The following POLR1C variants were observed in gnomAD, a reference collection of about 807,000 sequenced individuals.
The protein encoded by POLR1C is RNA polymerase I and III subunit C.
POLR1C carries 42 observed loss-of-function variants against 38.3 expected under a neutral mutation model. The ratio of observed to expected loss-of-function variants is 1.10; its 90% CI spans 0.86 to 1.42. The LOEUF (loss-of-function observed/expected upper bound fraction) is 1.42, where lower values mean the gene tolerates loss of function less well. Ranked by LOEUF, POLR1C falls within the 40% of genes most tolerant of loss-of-function variation. The pLI, the probability that POLR1C is intolerant of heterozygous loss-of-function variation, is 0.00. For missense variants in POLR1C, 507 were observed against 450.5 expected, an observed-to-expected ratio of 1.13 and a Z score of -1.14; for synonymous variants, 163 against 163.9, an observed-to-expected ratio of 0.99 and a Z score of 0.04.
intron 8 of POLR1C, chr6:43,527,476 G>C (rs1485059789): frequency 9.0e-6 from 6 of 663,234 alleles, no homozygotes; most frequent in Non-Finnish European, 1.0e-5. Flanking sequence ...GTTTCACCAT[G>C]TTGGCCAGGA....
chr6:43,520,363 C>A lies in POLR1C; in HGVS notation c.591C>A (p.Ile197=). Residue 197 remains isoleucine (I), a synonymous_variant, in exon 6 of 9, where the codon ATC becomes ATA. Transcript: ENST00000642195. ...CTATCCGACCAGTGCATGATGATATCCTCATCGCTCAGCTGCGGCCTGGCC... is the reference window on the plus strand; with the variant it reads ...CTATCCGACCAGTGCATGATGATATACTCATCGCTCAGCTGCGGCCTGGCC... ...EGTIRPVHDD[I]LIAQLRPGQE... 6.2e-7 allele frequency: 1 copy of A among 1,613,826 alleles called. No homozygotes were observed. Among genetic ancestry groups the A allele is most frequent in the Non-Finnish European group, 8.5e-7 (1 of 1,180,030 alleles).
intron 8 of POLR1C, 65 bp downstream of exon 8, chr6:43,521,113 G>T: frequency 6.2e-7 from 1 of 1,600,984 alleles, no homozygotes; most frequent in Non-Finnish European, 8.6e-7. Flanking sequence ...TTCCAGTCTA[G>T]ATGTGAAGTT....
intron 9 of POLR1C, chr6:43,547,796 G>T: frequency 1.7e-6 from 2 of 1,158,314 alleles, no homozygotes; most frequent in South Asian, 1.3e-5. Flanking sequence ...ATCATTATTT[G>T]GCCCTTAAGA....
At chr6:43,560,431 C>T (rs1041401347) in intron 10 of POLR1C, 2 of 1,211,582 alleles carry the variant, frequency 1.7e-6, no homozygotes, top group African/African-American at 1.5e-5. Context: ...GCTGTCTCTA[C>T]TGCAATTTAT....
At chr6:43,553,528 C>CACACACACACACACACAT in intron 10 of POLR1C, 1 of 695,744 alleles carries the variant, frequency 1.4e-6, no homozygotes. Flanking sequence ...CACACACATA[C>CACACACACACACACACAT]ACACACACAC....
In POLR1C at chr6:43,547,590, T is replaced by C. The variant is rs748846018; in HGVS notation, c.*5-3378T>C. 2.5e-6 allele frequency: 4 copies of C among 1,611,034 alleles called. No homozygotes were observed. In the African/African-American group the frequency reaches 5.3e-5, roughly 22 times the overall value. The stretch of plus-strand genomic sequence containing the variant: ...TACCCATGGCCAATGCCACTTCCCA[T>C]TCCCAGGAAAGTCTTACTCGTGCAC... On this transcript the variant is annotated intron_variant, in intron 9 of 10. Transcript: ENST00000607635.
At chr6:43,556,377 T>C (rs889614334) in intron 10 of POLR1C, among the ~76,000 whole-genome samples, 1 of 151,842 alleles carries the variant, frequency 6.6e-6, no homozygotes, top group Non-Finnish European at 1.5e-5. Context: ...ATACAAAAAG[T>C]AGCCAGGTGT....
chr6:43,553,292 A>C, intron 10 of POLR1C: 2 of 1,486,104 alleles, frequency 1.3e-6, no homozygotes, highest in Non-Finnish European at 1.8e-6. Flanking sequence ...ACAGAGAGAT[A>C]TAGCGTCCCA....
chr6:43,534,259 T>C (rs756883473), downstream of POLR1C, among the ~76,000 whole-genome samples: 1 of 152,174 alleles, frequency 6.6e-6, no homozygotes, highest in Non-Finnish European at 1.5e-5. Flanking sequence ...CACAGGACAG[T>C]ATCAGAGTCC....
downstream of POLR1C, chr6:43,531,590 G>A (rs1793982947): frequency 1.2e-6 from 2 of 1,603,666 alleles, no homozygotes; most frequent in African/African-American, 1.3e-5. Context: ...AGGGAAATAC[G>A]GGTCAAGAAC....
intron 10 of POLR1C, among the ~76,000 whole-genome samples, chr6:43,553,001 A>G (rs1312638225): frequency 6.6e-6 from 1 of 151,986 alleles, no homozygotes; most frequent in African/African-American, 2.4e-5. Context: ...ATGTACATCC[A>G]TAGATTTTCC....
At chr6:43,550,057 A>G in intron 9 of POLR1C, 1 of 1,005,972 alleles carries the variant, frequency 9.9e-7, no homozygotes, top group South Asian at 1.4e-5. Context: ...TAGCCTTCTG[A>G]GTAGCTGGGA....
At chr6:43,538,102 A>G (rs1397780340) in intron 9 of POLR1C, among the ~76,000 whole-genome samples, 2 of 142,702 alleles carry the variant, frequency 1.4e-5, no homozygotes, top group African/African-American at 2.7e-5. Context: ...AAAAAAAAAA[A>G]GGCAAGGAAC....
At chr6:43,525,094 T>C (rs1308657011), downstream of POLR1C, 2 of 1,569,138 alleles carry the variant, frequency 1.3e-6, no homozygotes, top group East Asian at 4.7e-5. Flanking sequence ...GGAAAAGGGG[T>C]GAATAACCAT....
intron 9 of POLR1C, among the ~76,000 whole-genome samples, chr6:43,535,421 C>G (rs141273511): frequency 1.4e-3 from 208 of 152,028 alleles, no homozygotes; most frequent in African/African-American, 4.9e-3. Context: ...AAAACCCAGT[C>G]TCTACTAAAA....
intron 10 of POLR1C, chr6:43,553,504 C>T (rs962298749): frequency 1.2e-5 from 18 of 1,551,260 alleles, no homozygotes; most frequent in Non-Finnish European, 1.6e-5. Context: ...GCAGAACAAG[C>T]TTTAAAACAC....
Position 43,520,985 on chromosome 6 carries a change from A to G in POLR1C, c.859A>G (p.Ile287Val), listed in dbSNP as rs1430991953. ...CCGGCTGGATACCTTCAGCAGAGAA[A>G]TCTTCCGGAATGAGAAGCTAAAGAA... ...NPRLDTFSREIFRNEKLKKVV... is the reference protein window; with the variant it reads ...NPRLDTFSREVFRNEKLKKVV... Residue 287 changes from isoleucine to valine, a missense_variant, in exon 8 of 9, where the codon ATC becomes GTC. By Grantham distance (29) the Ile-to-Val change is conservative (BLOSUM62 3). Transcript: ENST00000642195. 1.9e-6 allele frequency: 3 copies of G among 1,614,080 alleles called. No individual in the cohort carries two copies. Among genetic ancestry groups the G allele is most frequent in the Non-Finnish European group, 2.5e-6 (3 of 1,180,044 alleles).
chr6:43,528,057 C>A, intron 8 of POLR1C: 1 of 1,200,942 alleles, frequency 8.3e-7, no homozygotes, highest in Non-Finnish European at 1.2e-6. Context: ...CAACCTACTG[C>A]TCTTCTACCC....
chr6:43,532,784 T>C (rs1794062546), downstream of POLR1C, among the ~76,000 whole-genome samples: 1 of 152,220 alleles, frequency 6.6e-6, no homozygotes, highest in Non-Finnish European at 1.5e-5. Flanking sequence ...ACCACAATTA[T>C]GACTGCACAG....
Sources: allele counts gnomAD v4.1 joint callset (sites outside exome capture counted in the v4.1 genomes callset), GRCh38; gene constraint gnomAD v4.1.1; transcripts MANE v1.5; gene names NCBI Gene and HGNC (gene_info 2026-07-23, HGNC 2026-07-21).